Variants in MCC observed in about 807,000 individuals in gnomAD.
MCC encodes the protein colorectal mutant cancer protein.
Under a neutral mutation model 116.2 loss-of-function variants are expected in MCC, and 90 were observed. The ratio of observed to expected loss-of-function variants is 0.77; its 90% CI spans 0.65 to 0.92. The LOEUF (loss-of-function observed/expected upper bound fraction) is 0.92. Ranked by LOEUF, MCC falls within the 40% of genes least tolerant of loss-of-function variation. The pLI, the probability that MCC is intolerant of heterozygous loss-of-function variation, is 0.00. For synonymous variants in MCC, 578 were observed against 510.5 expected, an observed-to-expected ratio of 1.13 and a Z score of -1.78; for missense variants, 1,516 against 1,312.2, an observed-to-expected ratio of 1.16 and a Z score of -2.40.
chr5:113,120,650 T>C (rs2150268966), intron 6 of MCC, among the ~76,000 whole-genome samples: 1 of 152,316 alleles, frequency 6.6e-6, no homozygotes, highest in Non-Finnish European at 1.5e-5. Flanking sequence ...TACTAGGAGA[T>C]GAAACAAACA....
At chr5:113,246,921 T>C (rs777885318) in intron 3 of MCC, among the ~76,000 whole-genome samples, 17 of 152,198 alleles carry the variant, frequency 1.1e-4, no homozygotes, top group South Asian at 2.1e-4. Flanking sequence ...CCCCTTTATA[T>C]TTAAGCAGGA....
intron 1 of MCC, among the ~76,000 whole-genome samples, chr5:113,487,391 T>C (rs1772563475): frequency 6.6e-6 from 1 of 152,230 alleles, no homozygotes; most frequent in Admixed American, 6.5e-5. Context: ...AATAGAAGCA[T>C]ACCAGAAAAT....
intron 3 of MCC, among the ~76,000 whole-genome samples, chr5:113,233,449 A>T (rs1310611213): frequency 6.6e-6 from 1 of 152,216 alleles, no homozygotes; most frequent in Non-Finnish European, 1.5e-5. Context: ...ACCTGCTCCA[A>T]ACACAAATAT....
chr5:113,360,903 T>G (rs1768528872), intron 2 of MCC, among the ~76,000 whole-genome samples: 1 of 152,178 alleles, frequency 6.6e-6, no homozygotes, highest in Non-Finnish European at 1.5e-5. Flanking sequence ...CCCCTGGATG[T>G]CCTACTCCTG....
intron 8 of MCC, among the ~76,000 whole-genome samples, chr5:113,091,136 G>A (rs554201343): frequency 3.0e-4 from 45 of 152,320 alleles, no homozygotes; most frequent in South Asian, 4.1e-4. Flanking sequence ...GCTGTGCAGC[G>A]GAGTCAACCT....
intron 6 of MCC, among the ~76,000 whole-genome samples, chr5:113,118,056 C>G (rs891045025): frequency 6.6e-6 from 1 of 152,222 alleles, no homozygotes; most frequent in Non-Finnish European, 1.5e-5. Context: ...AACTTCTTGG[C>G]TGTGTGGCCT....
chr5:113,181,502 A>C (rs557342263), intron 3 of MCC, among the ~76,000 whole-genome samples: 2 of 152,362 alleles, frequency 1.3e-5, no homozygotes, highest in South Asian at 4.1e-4. Flanking sequence ...CTTGCCATCT[A>C]TAACTGTAGA....
At chr5:113,302,050 A>G (rs1432615326) in intron 3 of MCC, among the ~76,000 whole-genome samples, 9 of 152,230 alleles carry the variant, frequency 5.9e-5, no homozygotes, top group Non-Finnish European at 1.0e-4. Flanking sequence ...TCCCTCATAC[A>G]AGTATCGCTG....
At chr5:113,067,310 T>A (rs1753686542) in intron 13 of MCC, among the ~76,000 whole-genome samples, 1 of 152,162 alleles carries the variant, frequency 6.6e-6, no homozygotes, top group South Asian at 2.1e-4. Context: ...TTCTTCTTTG[T>A]TCGTAAGACA....
At chr5:113,112,447 T>C (rs1456361606) in intron 6 of MCC, among the ~76,000 whole-genome samples, 1 of 152,178 alleles carries the variant, frequency 6.6e-6, no homozygotes, top group Admixed American at 6.5e-5. Flanking sequence ...TCTCTGGCCA[T>C]GTAAGATGTG....
intron 1 of MCC, chr5:113,436,848 T>C (rs572142853): frequency 9.8e-5 from 15 of 152,336 alleles, no homozygotes; most frequent in African/African-American, 3.1e-4. Context: ...TCTGAGCCAA[T>C]TGCCAATCAG....
At chr5:113,205,806 A>G (rs1762889983) in intron 3 of MCC, among the ~76,000 whole-genome samples, 2 of 152,252 alleles carry the variant, frequency 1.3e-5, no homozygotes, top group Admixed American at 6.5e-5. Context: ...TAGATAGAGC[A>G]TTCTCCCAAG....
intron 2 of MCC, among the ~76,000 whole-genome samples, chr5:113,372,663 G>A (rs929003041): frequency 2.0e-5 from 3 of 152,158 alleles, no homozygotes; most frequent in African/African-American, 7.2e-5. Flanking sequence ...ATGTATGAAT[G>A]TGATCACTAT....
At chr5:113,165,365 C>T (rs1018368580) in intron 3 of MCC, among the ~76,000 whole-genome samples, 1 of 152,232 alleles carries the variant, frequency 6.6e-6, no homozygotes, top group Non-Finnish European at 1.5e-5. Flanking sequence ...GTTTCTTCCC[C>T]CTACCTACAA....
chr5:113,278,535 G>T (rs1225513509), intron 3 of MCC, among the ~76,000 whole-genome samples: 7 of 152,158 alleles, frequency 4.6e-5, no homozygotes. Flanking sequence ...GTTTTCCAAG[G>T]TAACTAACAT....
chr5:113,195,356 A>G (rs1208931873), intron 3 of MCC, among the ~76,000 whole-genome samples: 1 of 152,218 alleles, frequency 6.6e-6, no homozygotes. Context: ...GAGTTTCACT[A>G]ATAGAATTAG....
chr5:113,423,601 G>C (rs1770399697), intron 1 of MCC, among the ~76,000 whole-genome samples: 1 of 152,204 alleles, frequency 6.6e-6, no homozygotes, highest in Non-Finnish European at 1.5e-5. Context: ...AAGGCATATA[G>C]ATGAGTGGAA....
chr5:113,481,535 G>A (rs370512074), intron 1 of MCC, among the ~76,000 whole-genome samples: 17 of 152,012 alleles, frequency 1.1e-4, no homozygotes, highest in Admixed American at 9.8e-4. Context: ...TCAGGAGTTC[G>A]AGACCAGCCT....
chr5:113,180,896 T>G (rs1581212295), intron 3 of MCC, among the ~76,000 whole-genome samples: 1 of 152,350 alleles, frequency 6.6e-6, no homozygotes, highest in South Asian at 2.1e-4. Context: ...CTTACGTCCT[T>G]CTAACTCCAT....
Sources: gnomAD v4.1 joint callset for allele counts (sites outside exome capture counted in the v4.1 genomes callset) on GRCh38, gnomAD v4.1.1 for gene constraint, MANE v1.5 for transcripts, NCBI Gene and HGNC (gene_info 2026-07-23, HGNC 2026-07-21) for gene names.